FURIN: variants seen among roughly 807,000 people sequenced by gnomAD.
FURIN encodes furin, paired basic amino acid cleaving enzyme.
FURIN carries 18 observed loss-of-function variants against 89.2 expected under a neutral mutation model. The observed-to-expected ratio is 0.20, with a 90% CI of 0.14 to 0.30. The LOEUF is 0.30. Among genes scored for constraint, FURIN ranks in the 10% least tolerant of loss-of-function variants. The probability of loss-of-function intolerance (pLI) is 1.00; values close to 1 mark genes in which losing one functional copy is unlikely to be tolerated. For missense variants in FURIN, 879 were observed against 1,100.5 expected (o/e 0.80, Z 2.85); for synonymous variants, 508 against 466.4 (o/e 1.09, Z -1.15).
rs1567082730 is a variant in FURIN, at chr15:90,876,193, TC to T, written c.178-57del. The T allele has an allele frequency of 2.7e-6, 3 of 1,108,322 alleles. No homozygotes were observed. The highest frequency in any genetic ancestry group is 1.3e-6 in the Non-Finnish European group (1 of 752,626). 68.7% of individuals were successfully genotyped at this position (1,108,322 alleles called of 1,614,324 possible). ...CCCATGAAGCCGTTGTCCACCCCCG[TC>T]CCCCGCCTCCCGGGGACTGACAGAT... On this transcript the variant is annotated intron_variant, in intron 2 of 15. Coordinates refer to ENST00000268171, the MANE Select transcript of FURIN (RefSeq NM_002569.4). This position sits in a 1 kb window ranked among gnomAD's most constrained non-coding sequence, Gnocchi z 5.0.
chr15:90,882,020 GGCCCACCT>G lies in FURIN; in HGVS notation c.*144_*151del, dbSNP rs2032010806. ...GAGACTGCTTCCCATCCTACCCTCG[GGCCCACCT>G]GGCCACCTGAGGTGGGCCCAGGACC... On this transcript the variant is annotated 3_prime_UTR_variant, in exon 16 of 16. Transcript: ENST00000268171. The G allele has an allele frequency of 1.5e-6, 1 of 648,702 alleles. No individual in the cohort carries two copies. The highest frequency in any genetic ancestry group is 2.7e-6 in the Non-Finnish European group (1 of 373,074). 40.2% of individuals were successfully genotyped at this position (648,702 alleles called of 1,614,324 possible).
At chr15:90,872,062 C>T (rs961306160) in intron 1 of FURIN, among the ~76,000 whole-genome samples, 2 of 151,564 alleles carry the variant, frequency 1.3e-5, no homozygotes, top group South Asian at 4.2e-4. Flanking sequence ...GGGCTGCCGC[C>T]GGCTCGCCCA....
At chr15:90,874,052 A>C (rs910681282) in intron 1 of FURIN, among the ~76,000 whole-genome samples, 2 of 152,056 alleles carry the variant, frequency 1.3e-5, no homozygotes, top group African/African-American at 4.8e-5. Flanking sequence ...TTGGCTATGG[A>C]AGTGCTAAGG....
chr15:90,881,217 G>A lies in FURIN; in HGVS notation c.1793-69G>A. 7.6e-7 allele frequency: 1 copy of A among 1,317,772 alleles called. No homozygotes were observed. The highest frequency in any genetic ancestry group is 1.1e-6 in the Non-Finnish European group (1 of 939,758). The allele number at this position is 1,317,772 out of a possible 1,614,324, so 81.6% of individuals were successfully genotyped here. A position where few individuals can be genotyped will look rare whatever the true frequency, so the allele number is the denominator to read the frequency against. On this transcript the variant is annotated intron_variant, in intron 15 of 15. Coordinates refer to ENST00000268171, the MANE Select transcript of FURIN (RefSeq NM_002569.4). This position sits in a 1 kb window ranked among gnomAD's most constrained non-coding sequence, Gnocchi z 4.3. Reference sequence around the variant, plus strand: ...CTGGGGATGTGGTGACTTGGCTTGGGGCTGCTGTGGTCCTGGGGCTACAGT... The same window carrying A: ...CTGGGGATGTGGTGACTTGGCTTGGAGCTGCTGTGGTCCTGGGGCTACAGT...
At chr15:90,879,048 G>T in intron 9 of FURIN, 72 bp downstream of exon 9, 1 of 973,446 alleles carries the variant, frequency 1.0e-6, no homozygotes. Flanking sequence ...CCCTCTTTTG[G>T]AGGCTGTCTG....
chr15:90,876,389 T>A lies in FURIN; in HGVS notation c.276+36T>A, dbSNP rs74037507. 3.7e-5 allele frequency: 52 copies of A among 1,413,106 alleles called. No homozygotes were observed. Among genetic ancestry groups the A allele is most frequent in the Non-Finnish European group, 4.9e-5 (49 of 1,007,446 alleles). The allele number at this position is 1,413,106 out of a possible 1,614,324, so 87.5% of individuals were successfully genotyped here. A position where few individuals can be genotyped will look rare whatever the true frequency, so the allele number is the denominator to read the frequency against. ...CCCCAGCCCCCTCCTGCTGCCACCC[T>A]CCCCCTCCTGCTCTCAGGAGCCCCT... On this transcript the variant is annotated intron_variant, in intron 3 of 15. Coordinates refer to ENST00000268171, the MANE Select transcript of FURIN (RefSeq NM_002569.4). This position sits in a 1 kb window ranked among gnomAD's most constrained non-coding sequence, Gnocchi z 5.0.
chr15:90,877,709 C>T (rs773670712), intron 7 of FURIN, 94 bp downstream of exon 7: 54 of 866,540 alleles, frequency 6.2e-5, no homozygotes, highest in Non-Finnish European at 7.4e-5. Flanking sequence ...TGCCACTTTC[C>T]CACTGTGGAT....
At position 90,881,584 on chromosome 15, in the gene FURIN, G is replaced by A. The variant is rs1435159130; in HGVS notation, c.2091G>A (p.Glu697=). Residue 697 remains glutamate (E), a synonymous_variant, in exon 16 of 16, where the codon GAG becomes GAA. Transcript: ENST00000268171. This position sits in a 1 kb window ranked among gnomAD's most constrained non-coding sequence, Gnocchi z 4.3. ...PQQQPPRLPP[E]VEAGQRLRAG... ...AGCAGCCACCTCGGCTGCCCCCGGA[G>A]GTGGAGGCGGGGCAACGGCTGCGGG... 8 of 1,609,564 alleles carry A rather than the reference G, an allele frequency of 5.0e-6. No individual in the cohort carries two copies. The East Asian group carries it at 6.7e-5, about 13-fold the overall frequency.
intron 6 of FURIN, 141 bp downstream of exon 6, chr15:90,877,352 G>C: frequency 1.1e-6 from 1 of 934,970 alleles, no homozygotes; most frequent in South Asian, 1.7e-5. Context: ...CTCTGAGGGA[G>C]GGCTCGGTCA....
chr15:90,876,275 C>T lies in FURIN; in HGVS notation c.198C>T (p.His66=), dbSNP rs200065847. 5.0e-5 allele frequency: 81 copies of T among 1,610,450 alleles called. No homozygotes were observed. In the East Asian group the frequency reaches 5.8e-4, roughly 12 times the overall value. Residue 66 remains histidine (H), a synonymous_variant, in exon 3 of 16, where the codon CAC becomes CAT. Coordinates refer to ENST00000268171, the MANE Select transcript of FURIN (RefSeq NM_002569.4). The surrounding 1 kb of genome is among the most constrained non-coding windows in gnomAD (Gnocchi z 5.0). ...TGCAGATCTTCGGGGACTATTACCACTTCTGGCATCGAGGAGTGACGAAGC... is the reference window on the plus strand; with the variant it reads ...TGCAGATCTTCGGGGACTATTACCATTTCTGGCATCGAGGAGTGACGAAGC... ...NLGQIFGDYY[H]FWHRGVTKRS... is the part of the protein sequence containing the mutation.
intron 6 of FURIN, 78 bp downstream of exon 6, chr15:90,877,289 T>C: frequency 8.0e-7 from 1 of 1,242,876 alleles, no homozygotes. Flanking sequence ...CTGGGTGAGA[T>C]GTGCCTTGCC....
At position 90,879,564 on chromosome 15, in the gene FURIN, C is replaced by G. The variant is rs766218664; in HGVS notation, c.1154+20C>G. 7.6e-6 allele frequency: 12 copies of G among 1,576,236 alleles called. No individual in the cohort carries two copies. The highest frequency in any genetic ancestry group is 1.0e-5 in the Non-Finnish European group (12 of 1,145,906). On this transcript the variant is annotated intron_variant, in intron 10 of 15. Transcript: ENST00000268171. The stretch of plus-strand genomic sequence containing the variant: ...GGCCAAGTAAGTGGGTGGGGGCCAG[C>G]GGCAACCCTGTCCCTACCAGCACTC...
In FURIN at chr15:90,881,592, C is replaced by G; in HGVS notation, c.2099C>G (p.Ala700Gly). Residue 700 changes from alanine (A) to glycine (G), a missense_variant, in exon 16 of 16, where the codon GCG (alanine) becomes GGG (glycine). Around this residue, in one of 5 missense-constraint regions of FURIN, gnomAD observed 457 missense variants for 490.7 expected, o/e 0.93. Coordinates refer to ENST00000268171, the MANE Select transcript of FURIN (RefSeq NM_002569.4). The surrounding 1 kb of genome is among the most constrained non-coding windows in gnomAD (Gnocchi z 4.3). ...QPPRLPPEVE[A>G]GQRLRAGLLP... The stretch of plus-strand genomic sequence containing the variant: ...CCTCGGCTGCCCCCGGAGGTGGAGG[C>G]GGGGCAACGGCTGCGGGCAGGGCTG... 1 of 1,607,262 alleles carries G rather than the reference C, an allele frequency of 6.2e-7. No individual in the cohort carries two copies. The highest frequency in any genetic ancestry group is 8.5e-7 in the Non-Finnish European group (1 of 1,176,034).
chr15:90,880,040 G>A (rs2031863565), intron 12 of FURIN, 54 bp from the exon 13 acceptor site: 1 of 1,603,386 alleles, frequency 6.2e-7, no homozygotes, highest in Admixed American at 1.7e-5. Flanking sequence ...GTCGCAGGGG[G>A]TGCCCGCTGG....
At position 90,880,966 on chromosome 15, in the gene FURIN, C is replaced by T. The variant is rs776984234; in HGVS notation, c.1718C>T (p.Thr573Ile). The change falls in exon 15 of 16, where the codon ACC (threonine) becomes ATC (isoleucine). Residue 573 changes from threonine to isoleucine, a missense_variant. Around this residue, in one of 5 missense-constraint regions of FURIN, gnomAD observed 457 missense variants for 490.7 expected, o/e 0.93. Coordinates refer to ENST00000268171, the MANE Select transcript of FURIN (RefSeq NM_002569.4). The stretch of plus-strand genomic sequence containing the variant: ...AAGTTCACCCTCGTACTCTATGGCA[C>T]CGCCCCTGAGGGGCTGCCCGTACCT... ...LTKFTLVLYG[T>I]APEGLPVPPE... is the part of the protein sequence containing the mutation. The T allele has an allele frequency of 6.2e-7, 1 of 1,614,082 alleles. No individual in the cohort carries two copies. Among genetic ancestry groups the T allele is most frequent in the Non-Finnish European group, 8.5e-7 (1 of 1,179,924 alleles).
Position 90,879,441 on chromosome 15 carries a change from C to A in FURIN, c.1054-3C>A. Reference sequence around the variant, plus strand: ...GGCCCCAATATGATTCTCTTCCTGGCAGGTGACGACTGACTTGCGGCAGAA... The same window carrying A: ...GGCCCCAATATGATTCTCTTCCTGGAAGGTGACGACTGACTTGCGGCAGAA... On this transcript the variant is annotated splice_region_variant and splice_polypyrimidine_tract_variant and intron_variant, in intron 9 of 15. Transcript: ENST00000268171. The A allele has an allele frequency of 6.2e-7, 1 of 1,604,908 alleles. No homozygotes were observed. The highest frequency in any genetic ancestry group is 1.3e-5 in the African/African-American group (1 of 74,872).
At chr15:90,879,843 A>G in intron 11 of FURIN, 24 bp from the exon 12 acceptor site, 2 of 1,609,530 alleles carry the variant, frequency 1.2e-6, no homozygotes, top group Non-Finnish European at 8.5e-7. Context: ...CTGACAGCTG[A>G]CCCTACCTTC....
chr15:90,878,995 T>TGGGGGG lies in FURIN; in HGVS notation c.1053+24_1053+25insGGGGGG. On this transcript the variant is annotated intron_variant, in intron 9 of 15. Transcript: ENST00000268171. Reference sequence around the variant, plus strand: ...GCAGATCGTGAGTCTTACCTGGGGGTGGGGGCTGGGGAGATGGGGCTGCTG... The same window carrying TGGGGGG: ...GCAGATCGTGAGTCTTACCTGGGGGTGGGGGGGGGGGCTGGGGAGATGGGGCTGCTG... 2 of 1,078,500 alleles carry TGGGGGG rather than the reference T, an allele frequency of 1.9e-6. No individual in the cohort carries two copies. The highest frequency in any genetic ancestry group is 2.7e-6 in the Non-Finnish European group (2 of 733,724). 66.8% of individuals were successfully genotyped at this position (1,078,500 alleles called of 1,614,324 possible). A position where few individuals can be genotyped will look rare whatever the true frequency, so the allele number is the denominator to read the frequency against.
In FURIN at chr15:90,878,970, G is replaced by A. The variant is rs2031788068; in HGVS notation, c.1047G>A (p.Lys349=). Reference sequence around the variant, plus strand: ...ACAGCAGTGGCAACCAGAATGAGAAGCAGATCGTGAGTCTTACCTGGGGGT... The same window carrying A: ...ACAGCAGTGGCAACCAGAATGAGAAACAGATCGTGAGTCTTACCTGGGGGT... ...TTYSSGNQNE[K]QIVTTDLRQK... The change falls in exon 9 of 16, where the codon AAG becomes AAA. Residue 349 remains lysine (K), a synonymous_variant. Coordinates refer to ENST00000268171, the MANE Select transcript of FURIN (RefSeq NM_002569.4). 5 of 1,581,062 alleles carry A rather than the reference G, an allele frequency of 3.2e-6. No homozygotes were observed. In the African/African-American group the frequency reaches 5.4e-5, roughly 17 times the overall value.
Sources: gnomAD v4.1 joint callset for allele counts (sites outside exome capture counted in the v4.1 genomes callset) on GRCh38, gnomAD v4.1.1 for gene constraint, gnomAD v4.1.1 regional missense constraint, Gnocchi (gnomAD v3.1) non-coding constraint, MANE v1.5 for transcripts, NCBI Gene and HGNC (gene_info 2026-07-23, HGNC 2026-07-21) for gene names.